The following ZNF829 variants were observed in gnomAD, a reference collection of about 807,000 sequenced individuals.
ZNF829 encodes zinc finger protein 829.
Under a neutral mutation model 35.2 loss-of-function variants are expected in ZNF829, and 25 were observed. The observed-to-expected ratio is 0.71, with a 90% CI of 0.52 to 0.99. ZNF829 has a LOEUF of 0.99. ZNF829 is among the 50% of genes least tolerant of loss of function. The probability of loss-of-function intolerance (pLI) is 0.00; values close to 1 mark genes in which losing one functional copy is unlikely to be tolerated. For missense variants in ZNF829, 417 were observed against 515.3 expected (o/e 0.81, Z 1.85); for synonymous variants, 136 against 163.2 (o/e 0.83, Z 1.27).
chr19:36,892,691 A>G, intron 5 of ZNF829: 1 of 616,346 alleles, frequency 1.6e-6, no homozygotes, highest in Non-Finnish European at 2.7e-6. Flanking sequence ...GACCTCTATG[A>G]TCCTCAAATT....
At chr19:36,903,753 TGGTGGCA>T (rs200740947) in intron 5 of ZNF829, among the ~76,000 whole-genome samples, 20,147 of 151,854 alleles carry the variant, frequency 0.13, 1,509 homozygotes, top group African/African-American at 0.2. Flanking sequence ...TAGCCGGGCA[TGGTGGCA>T]GGTGCCTCTA....
intron 1 of ZNF829, chr19:36,915,721 C>A: frequency 1.3e-6 from 1 of 777,636 alleles, no homozygotes; most frequent in South Asian, 1.7e-5. Context: ...CCTCAGCCTG[C>A]GAGTAGCTGG....
chr19:36,909,065 A>G (rs1426848906), intron 3 of ZNF829, among the ~76,000 whole-genome samples: 1 of 152,164 alleles, frequency 6.6e-6, no homozygotes, highest in Non-Finnish European at 1.5e-5. Context: ...GTTCCATCAA[A>G]ACTAGGTAGT....
In ZNF829 at chr19:36,899,483, GA is replaced by G. The variant is rs35093483; in HGVS notation, c.320-7013del. 7.0e-3 allele frequency among the ~76,000 whole-genome samples: 959 copies of G among 137,594 alleles called. 26 individuals are homozygous for G. The highest frequency in any genetic ancestry group is 0.051 in the East Asian group (256 of 5,036). 90.3% of individuals were successfully genotyped at this position (137,594 alleles called of 152,430 possible). A position where few individuals can be genotyped will look rare whatever the true frequency, so the allele number is the denominator to read the frequency against. ...CACTGGGTACATTCTATTAGTAAAAGAAAAAAAAATACATATATATATATGT... is the reference window on the plus strand; with the variant it reads ...CACTGGGTACATTCTATTAGTAAAAGAAAAAAAATACATATATATATATGT... On this transcript the variant is annotated intron_variant, in intron 5 of 5. Transcript: ENST00000391711.
At chr19:36,902,656 A>AAAT (rs1050889066) in intron 5 of ZNF829, among the ~76,000 whole-genome samples, 2 of 151,674 alleles carry the variant, frequency 1.3e-5, no homozygotes, top group Non-Finnish European at 2.9e-5. Context: ...AAATAAAATA[A>AAAT]AATAAAATAA....
chr19:36,911,691 C>T (rs552375260), intron 3 of ZNF829, among the ~76,000 whole-genome samples: 1 of 152,198 alleles, frequency 6.6e-6, no homozygotes, highest in South Asian at 2.1e-4. Flanking sequence ...CTTTAGACTC[C>T]AGGGTCCAAA....
rs917219767 is a variant in ZNF829 at position 36,889,883 on chromosome 19, A to G, written c.*1609T>C. ...TAGGCTATTCATTTGAGATTTTTCTATCTTTTTGGTGTAGGCATTTAATGC... is the reference window on the plus strand; with the variant it reads ...TAGGCTATTCATTTGAGATTTTTCTGTCTTTTTGGTGTAGGCATTTAATGC... On this transcript the variant is annotated 3_prime_UTR_variant, in exon 6 of 6. Coordinates refer to ENST00000391711, the MANE Select transcript of ZNF829 (RefSeq NM_001037232.4). 7.2e-5 allele frequency: 11 copies of G among 151,996 alleles called. No individual in the cohort carries two copies. The highest frequency in any genetic ancestry group is 9.7e-5 in the African/African-American group (4 of 41,382). The allele number at this position is 151,996 out of a possible 1,614,324, so 9.4% of individuals were successfully genotyped here.
chr19:36,892,830 C>CG, intron 5 of ZNF829: 1 of 942,186 alleles, frequency 1.1e-6, no homozygotes, highest in Non-Finnish European at 1.4e-6. Flanking sequence ...CCCCCACAGG[C>CG]GCTGCCTGAG....
intron 5 of ZNF829, chr19:36,902,008 CAG>C: frequency 1.4e-6 from 1 of 699,616 alleles, no homozygotes; most frequent in South Asian, 1.5e-5. Flanking sequence ...TGCGGTTGTC[CAG>C]AATACGTAAT....
chr19:36,893,136 G>A (rs1483318990), intron 5 of ZNF829: 6 of 396,088 alleles, frequency 1.5e-5, no homozygotes, highest in Middle Eastern at 6.3e-4. Context: ...TAAATGTCGG[G>A]GGCGGGTGGA....
chr19:36,910,703 C>T (rs2073256816), intron 3 of ZNF829, among the ~76,000 whole-genome samples: 1 of 152,130 alleles, frequency 6.6e-6, no homozygotes, highest in Admixed American at 6.5e-5. Context: ...TAGTTGTATC[C>T]TTTGTAATAA....
chr19:36,901,747 TC>T, intron 5 of ZNF829: 1 of 520,410 alleles, frequency 1.9e-6, no homozygotes, highest in Non-Finnish European at 3.5e-6. Context: ...GCAGAATGGC[TC>T]CCACAAAGAA....
intron 5 of ZNF829, among the ~76,000 whole-genome samples, chr19:36,904,103 G>A (rs1259665882): frequency 6.6e-6 from 1 of 152,150 alleles, no homozygotes; most frequent in African/African-American, 2.4e-5. Flanking sequence ...TGCACATTAA[G>A]TAGGTAACAG....
chr19:36,900,296 G>T (rs2073154189), intron 5 of ZNF829, among the ~76,000 whole-genome samples: 1 of 151,156 alleles, frequency 6.6e-6, no homozygotes, highest in Non-Finnish European at 1.5e-5. Context: ...GTTGCAGTGA[G>T]CAGAGATCAC....
Position 36,888,160 on chromosome 19 carries a change from A to G in ZNF829, c.*3332T>C, listed in dbSNP as rs1038034577. The G allele has an allele frequency of 2.0e-5, 3 of 152,188 alleles. No homozygotes were observed. The highest frequency in any genetic ancestry group is 7.2e-5 in the African/African-American group (3 of 41,452). 9.4% of individuals were successfully genotyped at this position (152,188 alleles called of 1,614,324 possible). A position where few individuals can be genotyped will look rare whatever the true frequency, so the allele number is the denominator to read the frequency against. On this transcript the variant is annotated 3_prime_UTR_variant, in exon 6 of 6. Transcript: ENST00000391711. ...CAGAAGAGTTTATAGTAACATGAACATGCCTGTTAAACATTTGAATAAATG... is the reference window on the plus strand; with the variant it reads ...CAGAAGAGTTTATAGTAACATGAACGTGCCTGTTAAACATTTGAATAAATG...
intron 5 of ZNF829, among the ~76,000 whole-genome samples, chr19:36,905,008 C>A (rs1186141287): frequency 2.6e-5 from 4 of 152,150 alleles, no homozygotes; most frequent in Non-Finnish European, 5.9e-5. Flanking sequence ...ATCTAGAATT[C>A]TTTCTCAAGG....
rs974459013 is a variant in ZNF829 at position 36,889,780 on chromosome 19, A to G, written c.*1712T>C. On this transcript the variant is annotated 3_prime_UTR_variant, in exon 6 of 6. Transcript: ENST00000391711. Reference sequence around the variant, plus strand: ...CTCAGTCTCATTTTTGCCTGCTCTGATATTTGTTATTGCTTTTCTTCTGCC... The same window carrying G: ...CTCAGTCTCATTTTTGCCTGCTCTGGTATTTGTTATTGCTTTTCTTCTGCC... 6 of 151,214 alleles carry G rather than the reference A, an allele frequency of 4.0e-5. No individual in the cohort carries two copies. The highest frequency in any genetic ancestry group is 1.5e-4 in the African/African-American group (6 of 41,092). 9.4% of individuals were successfully genotyped at this position (151,214 alleles called of 1,614,324 possible). A position where few individuals can be genotyped will look rare whatever the true frequency, so the allele number is the denominator to read the frequency against.
chr19:36,888,291 A>G lies in ZNF829; in HGVS notation c.*3201T>C, dbSNP rs980124962. 4 of 152,088 alleles carry G rather than the reference A, an allele frequency of 2.6e-5. No homozygotes were observed. Among genetic ancestry groups the G allele is most frequent in the African/African-American group, 9.7e-5 (4 of 41,354 alleles). 9.4% of individuals were successfully genotyped at this position (152,088 alleles called of 1,614,324 possible). A position where few individuals can be genotyped will look rare whatever the true frequency, so the allele number is the denominator to read the frequency against. ...TAATAGTATACATATTCCAGGGAAG[A>G]TGTTTCCTGTTCTATCTCCCAACAC... On this transcript the variant is annotated 3_prime_UTR_variant, in exon 6 of 6. Coordinates refer to ENST00000391711, the MANE Select transcript of ZNF829 (RefSeq NM_001037232.4).
At chr19:36,894,205 G>A (rs1262571131) in intron 5 of ZNF829, among the ~76,000 whole-genome samples, 1 of 152,164 alleles carries the variant, frequency 6.6e-6, no homozygotes, top group Non-Finnish European at 1.5e-5. Flanking sequence ...ATTGCAGCCA[G>A]AGAAATCATA....
Sources: allele counts gnomAD v4.1 joint callset (sites outside exome capture counted in the v4.1 genomes callset), GRCh38; gene constraint gnomAD v4.1.1; transcripts MANE v1.5; gene names NCBI Gene and HGNC (gene_info 2026-07-23, HGNC 2026-07-21).